The following NCBP1 variants were observed in gnomAD, a reference collection of about 807,000 sequenced individuals.
NCBP1 encodes the protein nuclear cap binding protein subunit 1.
In NCBP1, 16 loss-of-function variants were observed where a neutral mutation model predicts 111.7. The ratio of observed to expected loss-of-function variants is 0.14; its 90% confidence interval spans 0.10 to 0.22. The LOEUF (loss-of-function observed/expected upper bound fraction) is 0.22. NCBP1 is among the 10% of genes least tolerant of loss of function. NCBP1 has a pLI of 1.00. For synonymous variants in NCBP1, 304 were observed against 314.3 expected (o/e 0.97, Z 0.35); for missense variants, 607 against 957.5 (o/e 0.63, Z 4.83).
intron 14 of NCBP1, among the ~76,000 whole-genome samples, chr9:97,658,059 T>C (rs1182577260): frequency 6.6e-6 from 1 of 151,890 alleles, no homozygotes; most frequent in Non-Finnish European, 1.5e-5. Context: ...GGAGCCCTAG[T>C]TTCTAGTAAA....
At chr9:97,669,490 C>T (rs1329058263) in intron 21 of NCBP1, 103 bp from the exon 22 acceptor site, 6 of 721,598 alleles carry the variant, frequency 8.3e-6, no homozygotes, top group South Asian at 1.7e-5. Flanking sequence ...ACCACAAAGA[C>T]AGGGTGGAAC....
At position 97,672,887 on chromosome 9, in the gene NCBP1, G is replaced by A. The variant is rs572498278; in HGVS notation, c.*1688G>A. On this transcript the variant is annotated 3_prime_UTR_variant, in exon 23 of 23. Coordinates refer to ENST00000375147, the MANE Select transcript of NCBP1 (RefSeq NM_002486.5). ...CTCACGCCTGTAATCCCAGCACTTT[G>A]GGAGGCTGAGGCGGGCGGATCACAA... 6.5e-6 allele frequency: 1 copy of A among 152,966 alleles called. No individual in the cohort carries two copies. Among genetic ancestry groups the A allele is most frequent in the Non-Finnish European group, 1.5e-5 (1 of 68,564 alleles). The allele number at this position is 152,966 out of a possible 1,614,324, so 9.5% of individuals were successfully genotyped here. A position where few individuals can be genotyped will look rare whatever the true frequency, so the allele number is the denominator to read the frequency against.
At chr9:97,642,807 C>G (rs565968167) in intron 3 of NCBP1, among the ~76,000 whole-genome samples, 32 of 152,180 alleles carry the variant, frequency 2.1e-4, no homozygotes, top group African/African-American at 6.3e-4. Context: ...GCACGCCCCC[C>G]CTTAATGATT....
At chr9:97,634,066 G>A (rs1162679497) in intron 1 of NCBP1, 151 bp downstream of exon 1, 10 of 1,059,680 alleles carry the variant, frequency 9.4e-6, no homozygotes, top group South Asian at 1.8e-5. Context: ...GTGGCGGTGT[G>A]GTCGGGCGGC....
At chr9:97,660,043 C>T (rs1456181199) in intron 15 of NCBP1, among the ~76,000 whole-genome samples, 3 of 152,104 alleles carry the variant, frequency 2.0e-5, no homozygotes, top group East Asian at 1.9e-4. Context: ...ATTTTTTAAC[C>T]GTTAGCAAGC....
At chr9:97,670,519 T>C (rs769469261) in intron 22 of NCBP1, among the ~76,000 whole-genome samples, 2 of 151,488 alleles carry the variant, frequency 1.3e-5, no homozygotes, top group Non-Finnish European at 1.5e-5. Flanking sequence ...AGAAGAATGA[T>C]TAATGTAGAA....
At position 97,641,110 on chromosome 9, in the gene NCBP1, G is replaced by A. The variant is rs146622804; in HGVS notation, c.123+228G>A. 5.3e-5 allele frequency among the ~76,000 whole-genome samples: 8 copies of A among 152,150 alleles called. No homozygotes were observed. The East Asian group carries it at 1.5e-3, about 29-fold the overall frequency. Reference sequence around the variant, plus strand: ...TCATAGAAGATGAGCCCTTAGAAGGGACCTAGGGTATAGACCCCTTAATTT... The same window carrying A: ...TCATAGAAGATGAGCCCTTAGAAGGAACCTAGGGTATAGACCCCTTAATTT... On this transcript the variant is annotated intron_variant, in intron 2 of 22. Coordinates refer to ENST00000375147, the MANE Select transcript of NCBP1 (RefSeq NM_002486.5).
chr9:97,669,344 G>A (rs555488027), intron 21 of NCBP1, among the ~76,000 whole-genome samples: 1 of 152,186 alleles, frequency 6.6e-6, no homozygotes. Context: ...TAGATTCCAG[G>A]AAGTAATATT....
At chr9:97,660,112 A>T (rs544432537) in intron 15 of NCBP1, among the ~76,000 whole-genome samples, 76 of 152,326 alleles carry the variant, frequency 5.0e-4, no homozygotes, top group Non-Finnish European at 1.0e-3. Flanking sequence ...CCCAGCTAGA[A>T]TGTAGACTGG....
intron 6 of NCBP1, among the ~76,000 whole-genome samples, chr9:97,646,488 C>T (rs73498342): frequency 0.01 from 1,525 of 151,878 alleles, 24 homozygotes; most frequent in African/African-American, 0.035. Flanking sequence ...TTTTGGATAA[C>T]TGTTAATAGC....
intron 3 of NCBP1, among the ~76,000 whole-genome samples, chr9:97,642,461 C>G (rs1827228778): frequency 6.6e-6 from 1 of 152,034 alleles, no homozygotes; most frequent in South Asian, 2.1e-4. Flanking sequence ...CTCTTGCCCA[C>G]TTAATGATTA....
chr9:97,653,209 CT>C (rs1167238356), intron 10 of NCBP1, among the ~76,000 whole-genome samples: 1 of 151,588 alleles, frequency 6.6e-6, no homozygotes, highest in African/African-American at 2.4e-5. Context: ...CAACCTCCGC[CT>C]CCTGGGTTCA....
At chr9:97,670,568 A>T (rs1280822161) in intron 22 of NCBP1, among the ~76,000 whole-genome samples, 1 of 152,206 alleles carries the variant, frequency 6.6e-6, no homozygotes, top group Admixed American at 6.5e-5. Context: ...CCAAATAGGA[A>T]TTCCCTCTGA....
intron 3 of NCBP1, 64 bp downstream of exon 3, chr9:97,641,726 G>A (rs1259528306): frequency 7.1e-6 from 10 of 1,404,626 alleles, no homozygotes; most frequent in South Asian, 1.5e-5. Context: ...AATGCTTTGG[G>A]AAATGTTCAA....
At chr9:97,633,967 C>G (rs776360609) in intron 1 of NCBP1, 52 bp downstream of exon 1, 2 of 1,534,282 alleles carry the variant, frequency 1.3e-6, no homozygotes, top group Non-Finnish European at 1.7e-6. Flanking sequence ...GGAGCCGAGG[C>G]TCGGCGTCTT....
At chr9:97,640,176 G>A (rs1045374283) in intron 1 of NCBP1, among the ~76,000 whole-genome samples, 2 of 152,112 alleles carry the variant, frequency 1.3e-5, no homozygotes, top group Non-Finnish European at 2.9e-5. Flanking sequence ...GTTAATTGAA[G>A]ACTTGAGATT....
intron 8 of NCBP1, among the ~76,000 whole-genome samples, chr9:97,648,849 A>G (rs1827421229): frequency 6.6e-6 from 1 of 152,108 alleles, no homozygotes; most frequent in African/African-American, 2.4e-5. Flanking sequence ...AGCTGGGACC[A>G]CAGGCATGTG....
intron 1 of NCBP1, among the ~76,000 whole-genome samples, chr9:97,634,198 C>T (rs1826924326): frequency 6.6e-6 from 1 of 152,222 alleles, no homozygotes; most frequent in Non-Finnish European, 1.5e-5. Flanking sequence ...AGAATTTCGT[C>T]CGTAAAACCA....
intron 1 of NCBP1, among the ~76,000 whole-genome samples, chr9:97,636,671 T>A (rs1440171296): frequency 8.3e-6 from 1 of 120,562 alleles, no homozygotes; most frequent in Non-Finnish European, 1.8e-5. Flanking sequence ...TATATATATA[T>A]ATAAAATCAT....
Sources: gnomAD v4.1 joint callset for allele counts (sites outside exome capture counted in the v4.1 genomes callset) on GRCh38, gnomAD v4.1.1 for gene constraint, MANE v1.5 for transcripts, NCBI Gene and HGNC (gene_info 2026-07-23, HGNC 2026-07-21) for gene names.